MAGI2: variants seen among roughly 807,000 people sequenced by gnomAD.
MAGI2 encodes the protein membrane associated guanylate kinase, WW and PDZ domain containing 2, also known as membrane-associated guanylate kinase, WW and PDZ domain-containing protein 2.
In MAGI2, 35 loss-of-function variants were observed where a neutral mutation model predicts 133.3. That is an observed-to-expected ratio of 0.26 (90% CI 0.20 to 0.35). MAGI2 has a LOEUF of 0.35. Ranked by LOEUF, MAGI2 falls within the 10% of genes least tolerant of loss-of-function variation. MAGI2 has a pLI of 1.00. For synonymous variants in MAGI2, 729 were observed against 710.6 expected (o/e 1.03, Z -0.41); for missense variants, 1,636 against 1,863.4 (o/e 0.88, Z 2.25).
intron 2 of MAGI2, among the ~76,000 whole-genome samples, chr7:78,975,579 G>T (rs1340103646): frequency 6.6e-6 from 1 of 151,500 alleles, no homozygotes; most frequent in African/African-American, 2.4e-5. Context: ...AAAGAGAAAA[G>T]ATCTAAAATT....
chr7:78,489,666 C>T (rs1369830366), intron 6 of MAGI2, 95 bp downstream of exon 6: 6 of 889,374 alleles, frequency 6.7e-6, no homozygotes, highest in Non-Finnish European at 9.1e-6. Flanking sequence ...ATTGTTTCAG[C>T]TAGATTATTG....
Position 79,376,100 on chromosome 7 carries a change from G to A in MAGI2, c.301+76920C>T, listed in dbSNP as rs578172849. Among the ~76,000 whole-genome samples, 21 of 151,752 alleles carry A rather than the reference G, an allele frequency of 1.4e-4. No homozygotes were observed. The Middle Eastern group carries it at 0.01, about 74-fold the overall frequency. ...CATATTTTAGATGAGCAACCTACCCGTGAATTAATCTTATTGTATATGTTT... is the reference window on the plus strand; with the variant it reads ...CATATTTTAGATGAGCAACCTACCCATGAATTAATCTTATTGTATATGTTT... On this transcript the variant is annotated intron_variant, in intron 1 of 21. Transcript: ENST00000354212.
intron 1 of MAGI2, among the ~76,000 whole-genome samples, chr7:79,158,332 TA>T (rs1440174638): frequency 2.0e-5 from 3 of 152,058 alleles, no homozygotes; most frequent in Non-Finnish European, 4.4e-5. Context: ...TTAATTGGCT[TA>T]AAAAATAAAA....
intron 1 of MAGI2, among the ~76,000 whole-genome samples, chr7:79,267,105 TG>T (rs754418395): frequency 1.3e-5 from 2 of 152,146 alleles, no homozygotes; most frequent in Non-Finnish European, 2.9e-5. Flanking sequence ...TTTATGATTT[TG>T]CTTGCAATTT....
intron 1 of MAGI2, among the ~76,000 whole-genome samples, chr7:79,059,723 T>C (rs1273264688): frequency 6.6e-6 from 1 of 152,124 alleles, no homozygotes; most frequent in African/African-American, 2.4e-5. Flanking sequence ...CCTTTACCTT[T>C]CAATAAAACT....
At chr7:78,120,303 T>C (rs866230702) in intron 20 of MAGI2, among the ~76,000 whole-genome samples, 1 of 152,080 alleles carries the variant, frequency 6.6e-6, no homozygotes, top group Admixed American at 6.5e-5. Flanking sequence ...CTCAGGAGGC[T>C]GAGGCAGGAA....
At chr7:79,268,665 A>G (rs748475830) in intron 1 of MAGI2, among the ~76,000 whole-genome samples, 2 of 152,166 alleles carry the variant, frequency 1.3e-5, no homozygotes, top group Admixed American at 1.3e-4. Flanking sequence ...GATTATCTCT[A>G]TGTTTCCCTT....
chr7:78,714,475 C>T (rs1819512939), intron 2 of MAGI2, among the ~76,000 whole-genome samples: 1 of 152,154 alleles, frequency 6.6e-6, no homozygotes, highest in Non-Finnish European at 1.5e-5. Context: ...TGTTCTCCCC[C>T]ACCTTCCATC....
chr7:78,524,518 G>GA (rs1584494635), intron 3 of MAGI2, among the ~76,000 whole-genome samples: 1 of 151,922 alleles, frequency 6.6e-6, no homozygotes. Context: ...AGTAATGCAA[G>GA]AAAAAAAATT....
intron 1 of MAGI2, among the ~76,000 whole-genome samples, chr7:79,225,864 A>C (rs1461304440): frequency 6.6e-6 from 1 of 152,158 alleles, no homozygotes; most frequent in Non-Finnish European, 1.5e-5. Context: ...AGACAGGAAA[A>C]CACATTTTAT....
intron 5 of MAGI2, among the ~76,000 whole-genome samples, chr7:78,497,722 T>TTCCA (rs1794221885): frequency 1.0e-5 from 1 of 97,202 alleles, no homozygotes; most frequent in Non-Finnish European, 1.9e-5. Flanking sequence ...GAAATAACTA[T>TTCCA]TCTATCTATC....
At chr7:79,195,546 G>A (rs938803021) in intron 1 of MAGI2, among the ~76,000 whole-genome samples, 15 of 151,964 alleles carry the variant, frequency 9.9e-5, no homozygotes, top group Non-Finnish European at 2.9e-5. Context: ...ATGGAAAAGT[G>A]ATTCAATTAC....
chr7:78,986,623 G>A (rs1256490802), intron 2 of MAGI2, among the ~76,000 whole-genome samples: 3 of 151,936 alleles, frequency 2.0e-5, no homozygotes, highest in Non-Finnish European at 4.4e-5. Flanking sequence ...CTGGCTTCAA[G>A]TGATCCTCCT....
At chr7:79,343,086 T>C (rs1585641495) in intron 1 of MAGI2, among the ~76,000 whole-genome samples, 1 of 152,248 alleles carries the variant, frequency 6.6e-6, no homozygotes, top group Admixed American at 6.5e-5. Flanking sequence ...TTTTTACATT[T>C]ACAGCTTTAC....
intron 2 of MAGI2, among the ~76,000 whole-genome samples, chr7:78,750,872 C>A (rs1206723132): frequency 1.3e-5 from 2 of 152,146 alleles, no homozygotes; most frequent in Non-Finnish European, 2.9e-5. Flanking sequence ...AATTTTACAT[C>A]AATATAATCC....
chr7:78,190,060 A>C (rs1828060251), intron 12 of MAGI2, among the ~76,000 whole-genome samples: 1 of 152,208 alleles, frequency 6.6e-6, no homozygotes, highest in African/African-American at 2.4e-5. Flanking sequence ...AGATTAACTA[A>C]CTTTCAGTTT....
At chr7:79,162,563 G>T (rs557356554) in intron 1 of MAGI2, among the ~76,000 whole-genome samples, 16 of 152,122 alleles carry the variant, frequency 1.1e-4, no homozygotes, top group Non-Finnish European at 2.2e-4. Flanking sequence ...GACAAGTTTA[G>T]TTGCCTTCTA....
intron 15 of MAGI2, among the ~76,000 whole-genome samples, chr7:78,166,191 C>T (rs1825607796): frequency 6.6e-6 from 1 of 152,100 alleles, no homozygotes; most frequent in Non-Finnish European, 1.5e-5. Flanking sequence ...TTCAACAGCT[C>T]GGGTTGATTA....
intron 1 of MAGI2, among the ~76,000 whole-genome samples, chr7:79,050,225 A>G (rs909497594): frequency 1.4e-4 from 21 of 152,300 alleles, no homozygotes; most frequent in Admixed American, 6.5e-4. Flanking sequence ...TTGAATTTAC[A>G]AATGATCATT....
Sources: gnomAD v4.1 joint callset for allele counts (sites outside exome capture counted in the v4.1 genomes callset) on GRCh38, gnomAD v4.1.1 for gene constraint, MANE v1.5 for transcripts, NCBI Gene and HGNC (gene_info 2026-07-23, HGNC 2026-07-21) for gene names.